Variants in PPP2R2B observed in about 807,000 individuals in gnomAD.
PPP2R2B encodes protein phosphatase 2 regulatory subunit Bbeta, also known as serine/threonine-protein phosphatase 2A 55 kDa regulatory subunit B beta isoform.
In PPP2R2B, 5 loss-of-function variants were observed where a neutral mutation model predicts 46.0. The ratio of observed to expected loss-of-function variants is 0.11; its 90% CI spans 0.06 to 0.23. PPP2R2B has a LOEUF of 0.23. PPP2R2B is among the 10% of genes least tolerant of loss of function. The probability of loss-of-function intolerance (pLI) is 1.00; values close to 1 mark genes in which losing one functional copy is unlikely to be tolerated. For synonymous variants in PPP2R2B, 215 were observed against 206.7 expected (o/e 1.04, Z -0.34); for missense variants, 367 against 575.0 (o/e 0.64, Z 3.70).
intron 6 of PPP2R2B, among the ~76,000 whole-genome samples, chr5:146,642,283 A>T (rs766699505): frequency 6.6e-6 from 1 of 152,200 alleles, no homozygotes; most frequent in African/African-American, 2.4e-5. Context: ...TAAGGGATCC[A>T]CTTCAAACAA....
At chr5:146,870,853 G>A (rs537820644) in intron 2 of PPP2R2B, among the ~76,000 whole-genome samples, 3 of 152,294 alleles carry the variant, frequency 2.0e-5, no homozygotes, top group African/African-American at 7.2e-5. Context: ...AGAAGTGAAA[G>A]TCTGACTACC....
intron 6 of PPP2R2B, among the ~76,000 whole-genome samples, chr5:146,648,179 T>C (rs1216772455): frequency 6.6e-6 from 1 of 152,210 alleles, no homozygotes; most frequent in African/African-American, 2.4e-5. Flanking sequence ...TTTTAGGGCA[T>C]GGCTCAGAGG....
chr5:146,752,385 C>T (rs1024033722), intron 2 of PPP2R2B, among the ~76,000 whole-genome samples: 7 of 152,192 alleles, frequency 4.6e-5, no homozygotes, highest in Non-Finnish European at 8.8e-5. Context: ...TCTTTGGAGA[C>T]ATCTTCCCTG....
At chr5:146,601,933 T>C (rs1288741152) in intron 7 of PPP2R2B, among the ~76,000 whole-genome samples, 2 of 152,240 alleles carry the variant, frequency 1.3e-5, no homozygotes, top group Admixed American at 6.5e-5. Flanking sequence ...GCATGGCTTC[T>C]CAGTATGTTA....
intron 1 of PPP2R2B, among the ~76,000 whole-genome samples, chr5:146,984,057 C>A (rs912241892): frequency 6.6e-5 from 10 of 152,030 alleles, no homozygotes; most frequent in African/African-American, 2.4e-4. Context: ...GTTAACATAT[C>A]CATCCCCTCA....
At chr5:146,754,673 C>T (rs1020324345) in intron 2 of PPP2R2B, among the ~76,000 whole-genome samples, 3 of 152,164 alleles carry the variant, frequency 2.0e-5, no homozygotes, top group African/African-American at 7.2e-5. Flanking sequence ...TTCTTGATCT[C>T]TCTCTTTCAT....
chr5:147,055,398 A>G (rs1305400513), intron 1 of PPP2R2B, among the ~76,000 whole-genome samples: 1 of 152,244 alleles, frequency 6.6e-6, no homozygotes, highest in Non-Finnish European at 1.5e-5. Context: ...GAAAATTGGC[A>G]AAATATTTCT....
chr5:146,825,305 T>C (rs1290683117), intron 2 of PPP2R2B, among the ~76,000 whole-genome samples: 1 of 152,220 alleles, frequency 6.6e-6, no homozygotes, highest in Admixed American at 6.5e-5. Context: ...TCAGAAATGA[T>C]GTGTTATCTC....
chr5:147,076,129 C>T (rs192610284), intron 2 of PPP2R2B, among the ~76,000 whole-genome samples: 75 of 152,094 alleles, frequency 4.9e-4, no homozygotes, highest in East Asian at 4.6e-3. Context: ...TATCACACTG[C>T]GTTTCCTGGA....
intron 2 of PPP2R2B, among the ~76,000 whole-genome samples, chr5:146,745,149 GCAGAGAAAGA>G (rs1429114224): frequency 7.4e-6 from 1 of 135,536 alleles, no homozygotes; most frequent in African/African-American, 2.9e-5. Flanking sequence ...TCTAAAACGT[GCAGAGAAAGA>G]CAGAGAGAGA....
intron 2 of PPP2R2B, among the ~76,000 whole-genome samples, chr5:146,779,733 T>C (rs1755395798): frequency 6.6e-6 from 1 of 152,206 alleles, no homozygotes; most frequent in African/African-American, 2.4e-5. Context: ...CAGGTTGCAC[T>C]GTATAATTAG....
rs972192168 is a variant in PPP2R2B, at chr5:146,648,499, C to T, written c.625+2048G>A. Among the ~76,000 whole-genome samples, 4 of 152,078 alleles carry T rather than the reference C, an allele frequency of 2.6e-5. No individual in the cohort carries two copies. The East Asian group carries it at 5.8e-4, about 22-fold the overall frequency. ...CTACTTTGATGACCTACTATTATTT[C>T]GAACTTGACAGGTTCAATAATTTTC... On this transcript the variant is annotated intron_variant, in intron 6 of 9. Transcript: ENST00000394411.
At chr5:147,045,399 C>A (rs922117456) in intron 1 of PPP2R2B, among the ~76,000 whole-genome samples, 1 of 152,118 alleles carries the variant, frequency 6.6e-6, no homozygotes, top group Non-Finnish European at 1.5e-5. Flanking sequence ...CTGTAACATG[C>A]TGTACAGGTT....
chr5:147,005,737 GAAAGTC>G (rs1474214656), intron 1 of PPP2R2B, among the ~76,000 whole-genome samples: 3 of 151,962 alleles, frequency 2.0e-5, no homozygotes, highest in Non-Finnish European at 4.4e-5. Context: ...CAGAGAAACA[GAAAGTC>G]AAAGAAGGAA....
chr5:146,933,280 C>A (rs773668630), intron 1 of PPP2R2B, among the ~76,000 whole-genome samples: 3 of 151,912 alleles, frequency 2.0e-5, no homozygotes, highest in Non-Finnish European at 2.9e-5. Flanking sequence ...TGAGGAATAT[C>A]CTGGATAAAC....
chr5:146,804,418 G>A (rs1434300147), intron 2 of PPP2R2B, among the ~76,000 whole-genome samples: 1 of 152,092 alleles, frequency 6.6e-6, no homozygotes, highest in African/African-American at 2.4e-5. Flanking sequence ...AAGGCCATCT[G>A]TGTACAAAGT....
chr5:147,055,573 C>T, intron 1 of PPP2R2B: 4 of 1,118,122 alleles, frequency 3.6e-6, no homozygotes, highest in Non-Finnish European at 5.4e-6. Flanking sequence ...CACCTAGTAG[C>T]TACAGAAAGC....
upstream of PPP2R2B, among the ~76,000 whole-genome samples, chr5:147,059,388 G>A (rs906475550): frequency 4.6e-5 from 7 of 152,172 alleles, no homozygotes; most frequent in African/African-American, 1.2e-4. Context: ...CAAATGAAGA[G>A]TTAGCAGTCA....
chr5:146,779,686 T>G (rs905439810), intron 2 of PPP2R2B, among the ~76,000 whole-genome samples: 2 of 152,136 alleles, frequency 1.3e-5, no homozygotes, highest in Non-Finnish European at 2.9e-5. Context: ...AGATGCATGC[T>G]TGGTCATAGT....
Sources: allele counts gnomAD v4.1 joint callset (sites outside exome capture counted in the v4.1 genomes callset), GRCh38; gene constraint gnomAD v4.1.1; transcripts MANE v1.5; gene names NCBI Gene and HGNC (gene_info 2026-07-23, HGNC 2026-07-21).